Variants in ARHGAP26 observed in about 807,000 individuals in gnomAD.
ARHGAP26 encodes rho GTPase-activating protein 26.
ARHGAP26 carries 38 observed loss-of-function variants against 104.8 expected under a neutral mutation model. The ratio of observed to expected loss-of-function variants is 0.36; its 90% confidence interval spans 0.28 to 0.48. The LOEUF is 0.48. Among genes scored for constraint, ARHGAP26 ranks in the 20% least tolerant of loss-of-function variants. ARHGAP26 has a pLI of 0.99. For synonymous variants in ARHGAP26, 341 were observed against 340.0 expected (o/e 1.00, Z -0.03); for missense variants, 704 against 947.9 (o/e 0.74, Z 3.38).
At chr5:142,951,679 A>G (rs1425987185) in intron 11 of ARHGAP26, among the ~76,000 whole-genome samples, 2 of 152,172 alleles carry the variant, frequency 1.3e-5, no homozygotes, top group Non-Finnish European at 2.9e-5. Context: ...ATAATCAGCC[A>G]CAACCTGGCC....
chr5:143,066,648 C>A (rs906366493), intron 17 of ARHGAP26, among the ~76,000 whole-genome samples: 1 of 152,160 alleles, frequency 6.6e-6, no homozygotes, highest in Non-Finnish European at 1.5e-5. Context: ...GGGCTTTCTT[C>A]ATAGTTTTGT....
At chr5:142,919,814 T>C (rs1762964743) in intron 10 of ARHGAP26, among the ~76,000 whole-genome samples, 1 of 152,112 alleles carries the variant, frequency 6.6e-6, no homozygotes, top group South Asian at 2.1e-4. Context: ...CTGGCCAACA[T>C]GGCAAGACCC....
At chr5:143,013,278 T>G (rs1266824260) in intron 11 of ARHGAP26, among the ~76,000 whole-genome samples, 1 of 152,250 alleles carries the variant, frequency 6.6e-6, no homozygotes, top group Non-Finnish European at 1.5e-5. Flanking sequence ...ACTTTCTATC[T>G]TGTTGTAGAA....
intron 1 of ARHGAP26, among the ~76,000 whole-genome samples, chr5:142,795,021 A>T (rs1018058446): frequency 4.0e-5 from 6 of 151,874 alleles, no homozygotes; most frequent in African/African-American, 1.5e-4. Context: ...TGTGCGCCAC[A>T]TAGTGTCTCT....
At chr5:143,118,921 CTAAAACT>C (rs1360009011) in intron 17 of ARHGAP26, among the ~76,000 whole-genome samples, 1 of 149,880 alleles carries the variant, frequency 6.7e-6, no homozygotes, top group Non-Finnish European at 1.5e-5. Flanking sequence ...CACATGTACC[CTAAAACT>C]TAAAAGTATA....
At chr5:142,872,026 C>T (rs572627011) in intron 1 of ARHGAP26, among the ~76,000 whole-genome samples, 35 of 152,272 alleles carry the variant, frequency 2.3e-4, no homozygotes, top group African/African-American at 8.2e-4. Context: ...GTAGCTTGAG[C>T]CCTGGTCCTG....
In ARHGAP26 at chr5:142,798,766, A is replaced by G. The variant is rs948153832; in HGVS notation, c.154+27851A>G. Among the ~76,000 whole-genome samples the G allele has an allele frequency of 2.6e-5, 4 of 152,090 alleles. No homozygotes were observed. The East Asian group carries it at 5.8e-4, about 22-fold the overall frequency. On this transcript the variant is annotated intron_variant, in intron 1 of 22. Transcript: ENST00000645722. The stretch of plus-strand genomic sequence containing the variant: ...GTTATATATCCCTCCCCTCTTCCCC[A>G]TGCTTCTCCTTTTTCTACTGGTCTT...
At chr5:142,976,691 A>G (rs1598453569) in intron 11 of ARHGAP26, among the ~76,000 whole-genome samples, 1 of 152,226 alleles carries the variant, frequency 6.6e-6, no homozygotes. Flanking sequence ...AGACTTTACT[A>G]AACTAGATTG....
intron 20 of ARHGAP26, among the ~76,000 whole-genome samples, chr5:143,156,595 C>G (rs143850911): frequency 6.6e-6 from 1 of 152,192 alleles, no homozygotes; most frequent in Non-Finnish European, 1.5e-5. Flanking sequence ...GATACATGCT[C>G]AAGTCTGAGA....
chr5:143,015,629 G>A (rs1246528019), intron 12 of ARHGAP26, among the ~76,000 whole-genome samples: 1 of 152,128 alleles, frequency 6.6e-6, no homozygotes, highest in African/African-American at 2.4e-5. Flanking sequence ...AGGACCAGAG[G>A]GGATGGATGC....
intron 11 of ARHGAP26, chr5:143,010,812 A>G (rs1448864414): frequency 6.6e-6 from 1 of 152,206 alleles, no homozygotes; most frequent in Non-Finnish European, 1.5e-5. Flanking sequence ...CCTGCATTTT[A>G]CTATTCCTTC....
intron 14 of ARHGAP26, among the ~76,000 whole-genome samples, chr5:143,044,615 C>T (rs950072474): frequency 1.5e-4 from 23 of 152,048 alleles, no homozygotes; most frequent in African/African-American, 4.6e-4. Context: ...GGGGTTAGTC[C>T]CTGAAACCCA....
At chr5:143,148,617 G>T (rs1418214712) in intron 20 of ARHGAP26, among the ~76,000 whole-genome samples, 2 of 152,102 alleles carry the variant, frequency 1.3e-5, no homozygotes, top group African/African-American at 4.8e-5. Flanking sequence ...CCAAGAAGTG[G>T]ACCAGTGCCT....
intron 1 of ARHGAP26, among the ~76,000 whole-genome samples, chr5:142,815,847 T>G (rs1765018855): frequency 6.6e-6 from 1 of 152,142 alleles, no homozygotes; most frequent in East Asian, 1.9e-4. Flanking sequence ...CAGGTTGGAG[T>G]ACAGTGGTAC....
intron 20 of ARHGAP26, among the ~76,000 whole-genome samples, chr5:143,167,178 T>C (rs1479025965): frequency 1.3e-5 from 2 of 151,922 alleles, no homozygotes; most frequent in Non-Finnish European, 2.9e-5. Flanking sequence ...AAAGGTTTCC[T>C]TTGGTTCACC....
chr5:142,853,565 A>C (rs532410371), intron 1 of ARHGAP26, among the ~76,000 whole-genome samples: 1 of 152,196 alleles, frequency 6.6e-6, no homozygotes, highest in East Asian at 1.9e-4. Flanking sequence ...CTTACTGGCA[A>C]TTTTCCCTTT....
chr5:143,206,617 G>A (rs948348538), intron 20 of ARHGAP26, among the ~76,000 whole-genome samples: 22 of 152,276 alleles, frequency 1.4e-4, no homozygotes, highest in African/African-American at 2.4e-4. Context: ...ATTGCATGCC[G>A]TCTCCCAAGA....
intron 12 of ARHGAP26, among the ~76,000 whole-genome samples, chr5:143,034,255 CAAAAG>C (rs1782304119): frequency 6.6e-6 from 1 of 152,036 alleles, no homozygotes; most frequent in Non-Finnish European, 1.5e-5. Flanking sequence ...GGTGTATACT[CAAAAG>C]AAATGAAAAT....
chr5:142,949,212 A>AG lies in ARHGAP26; in HGVS notation c.1107+17088dup, dbSNP rs1562136868. Among the ~76,000 whole-genome samples the AG allele has an allele frequency of 2.0e-4, 13 of 64,480 alleles. 2 individuals carry two copies. The highest frequency in any genetic ancestry group is 3.9e-3 in the East Asian group (2 of 516). The allele number at this position is 64,480 out of a possible 152,430, so 42.3% of individuals were successfully genotyped here. A position where few individuals can be genotyped will look rare whatever the true frequency, so the allele number is the denominator to read the frequency against. On this transcript the variant is annotated intron_variant, in intron 11 of 22. Coordinates refer to ENST00000645722, the MANE Select transcript of ARHGAP26 (RefSeq NM_001135608.3). ...GAGAGAGAGAGAGAGAGAGAGAGAG[A>AG]GAGAGAGAGGAGAGAGAGAGGAGAG...
Sources: gnomAD v4.1 joint callset for allele counts (sites outside exome capture counted in the v4.1 genomes callset) on GRCh38, gnomAD v4.1.1 for gene constraint, MANE v1.5 for transcripts, NCBI Gene and HGNC (gene_info 2026-07-23, HGNC 2026-07-21) for gene names.